Variants in PKIB observed in about 807,000 individuals in gnomAD.
PKIB encodes PKI-beta.
PKIB carries 2 observed loss-of-function variants against 4.5 expected under a neutral mutation model. The observed-to-expected ratio is 0.44, with a 90% CI of 0.18 to 1.39. The LOEUF (loss-of-function observed/expected upper bound fraction) is 1.39. Among genes scored for constraint, PKIB ranks in the 40% most tolerant of loss-of-function variants. PKIB has a pLI of 0.27. For synonymous variants in PKIB, 38 were observed against 36.0 expected (o/e 1.06, Z -0.20); for missense variants, 94 against 92.6 (o/e 1.02, Z -0.06).
intron 2 of PKIB, among the ~76,000 whole-genome samples, chr6:122,548,068 G>C (rs1204863379): frequency 2.0e-5 from 3 of 152,144 alleles, no homozygotes; most frequent in African/African-American, 7.2e-5. Flanking sequence ...TTATACATAA[G>C]TTTTGGGCAT....
chr6:122,594,075 C>T (rs1774093666), intron 3 of PKIB, among the ~76,000 whole-genome samples: 1 of 152,100 alleles, frequency 6.6e-6, no homozygotes, highest in South Asian at 2.1e-4. Context: ...CATAATACAA[C>T]TATCCTTTGT....
At chr6:122,572,644 A>G (rs1773402308) in intron 2 of PKIB, among the ~76,000 whole-genome samples, 1 of 143,398 alleles carries the variant, frequency 7.0e-6, no homozygotes, top group African/African-American at 2.5e-5. Flanking sequence ...GAACTAAATG[A>G]AATTGAAACA....
intron 2 of PKIB, among the ~76,000 whole-genome samples, chr6:122,641,908 G>C (rs995305927): frequency 6.6e-6 from 1 of 152,122 alleles, no homozygotes; most frequent in Non-Finnish European, 1.5e-5. Flanking sequence ...GGCCAGGCTG[G>C]TCTCAAACTA....
chr6:122,702,312 AT>A (rs35008183), intron 3 of PKIB, among the ~76,000 whole-genome samples: 3 of 143,648 alleles, frequency 2.1e-5, no homozygotes, highest in Non-Finnish European at 4.5e-5. Context: ...GTCTCAGGTA[AT>A]TTTTTAAAAA....
At chr6:122,522,507 C>T (rs947230077) in intron 2 of PKIB, among the ~76,000 whole-genome samples, 2 of 152,114 alleles carry the variant, frequency 1.3e-5, no homozygotes, top group African/African-American at 4.8e-5. Flanking sequence ...CAGTGTCTGC[C>T]CAAACAGCCA....
intron 2 of PKIB, chr6:122,482,974 A>G (rs1775667852): frequency 6.6e-6 from 1 of 151,034 alleles, no homozygotes; most frequent in Non-Finnish European, 1.5e-5. Flanking sequence ...AAAGTTAAAT[A>G]AGCTAGTGTT....
intron 2 of PKIB, among the ~76,000 whole-genome samples, chr6:122,583,621 T>C (rs569194715): frequency 2.0e-5 from 3 of 152,150 alleles, no homozygotes; most frequent in Non-Finnish European, 4.4e-5. Context: ...TACGCACATA[T>C]ACATTTTGTA....
chr6:122,669,916 A>C (rs1406746026), intron 2 of PKIB, among the ~76,000 whole-genome samples: 1 of 152,084 alleles, frequency 6.6e-6, no homozygotes, highest in Non-Finnish European at 1.5e-5. Context: ...AAATCCAAAA[A>C]TGACAGTGGA....
At chr6:122,622,929 C>T (rs1486817539) in intron 1 of PKIB, among the ~76,000 whole-genome samples, 2 of 152,154 alleles carry the variant, frequency 1.3e-5, no homozygotes, top group African/African-American at 2.4e-5. Context: ...ATTTCAAATA[C>T]TTTGATTTCA....
intron 3 of PKIB, among the ~76,000 whole-genome samples, chr6:122,599,456 C>T (rs541302756): frequency 4.6e-5 from 7 of 152,238 alleles, no homozygotes; most frequent in African/African-American, 9.6e-5. Flanking sequence ...GCCACTCGCA[C>T]GATAAGAGCT....
upstream of PKIB, among the ~76,000 whole-genome samples, chr6:122,608,447 T>C (rs900366259): frequency 6.6e-6 from 1 of 152,232 alleles, no homozygotes; most frequent in Admixed American, 6.5e-5. Context: ...GCACTTATGG[T>C]CAGGTCGTGT....
intron 2 of PKIB, among the ~76,000 whole-genome samples, chr6:122,670,277 C>T (rs369329761): frequency 2.7e-4 from 41 of 152,068 alleles, no homozygotes; most frequent in African/African-American, 9.4e-4. Flanking sequence ...GCTGTGTACC[C>T]AGCTAAACTT....
chr6:122,697,081 G>T (rs1582821622), intron 3 of PKIB, among the ~76,000 whole-genome samples: 1 of 152,206 alleles, frequency 6.6e-6, no homozygotes, highest in Admixed American at 6.5e-5. Flanking sequence ...CTCAAGAGCA[G>T]AGTGAACAAC....
intron 4 of PKIB, among the ~76,000 whole-genome samples, chr6:122,723,563 G>C (rs1424792913): frequency 6.6e-6 from 1 of 151,946 alleles, no homozygotes; most frequent in Non-Finnish European, 1.5e-5. Flanking sequence ...TCACTCACAG[G>C]ATCTAGTTTT....
At chr6:122,688,935 C>T (rs1174675317) in intron 3 of PKIB, among the ~76,000 whole-genome samples, 2 of 151,982 alleles carry the variant, frequency 1.3e-5, no homozygotes, top group African/African-American at 4.8e-5. Flanking sequence ...CGCCCGCCAC[C>T]ACGCCCGTCT....
At chr6:122,719,375 T>C (rs1277880756) in intron 4 of PKIB, among the ~76,000 whole-genome samples, 1 of 152,094 alleles carries the variant, frequency 6.6e-6, no homozygotes, top group African/African-American at 2.4e-5. Flanking sequence ...ATTAAGAAAC[T>C]GAAAATGTTA....
At chr6:122,595,419 AG>A (rs1350074708) in intron 3 of PKIB, among the ~76,000 whole-genome samples, 2 of 152,188 alleles carry the variant, frequency 1.3e-5, no homozygotes, top group Non-Finnish European at 2.9e-5. Flanking sequence ...TTTAGCCATA[AG>A]GTGAGTGCCT....
chr6:122,600,011 A>G (rs967553856), intron 3 of PKIB, among the ~76,000 whole-genome samples: 1 of 151,774 alleles, frequency 6.6e-6, no homozygotes, highest in Non-Finnish European at 1.5e-5. Flanking sequence ...ATCTATATCT[A>G]TATCTATATC....
intron 1 of PKIB, among the ~76,000 whole-genome samples, chr6:122,620,193 C>T (rs1248699267): frequency 2.0e-5 from 3 of 152,120 alleles, no homozygotes; most frequent in African/African-American, 7.2e-5. Context: ...GGGTTTAGCA[C>T]CTGAACAAAC....
Sources: allele counts gnomAD v4.1 joint callset (sites outside exome capture counted in the v4.1 genomes callset), GRCh38; gene constraint gnomAD v4.1.1; transcripts MANE v1.5; gene names NCBI Gene and HGNC (gene_info 2026-07-23, HGNC 2026-07-21).